Variants in CCDC178 observed in about 807,000 individuals in gnomAD.
CCDC178 encodes coiled-coil domain containing 178.
CCDC178 carries 126 observed loss-of-function variants against 117.4 expected under a neutral mutation model. That is an observed-to-expected ratio of 1.07 (90% CI 0.93 to 1.24). The LOEUF is 1.24. Among genes scored for constraint, CCDC178 ranks in the 50% most tolerant of loss-of-function variants. CCDC178 has a pLI of 0.00. For synonymous variants in CCDC178, 283 were observed against 313.4 expected (o/e 0.90, Z 1.02); for missense variants, 1,030 against 986.9 (o/e 1.04, Z -0.59).
chr18:33,270,061 T>A (rs530873562), intron 12 of CCDC178, among the ~76,000 whole-genome samples: 1 of 151,664 alleles, frequency 6.6e-6, no homozygotes, highest in African/African-American at 2.4e-5. Flanking sequence ...CAAATATAAA[T>A]TTGACAGTTG....
At chr18:33,153,153 T>A (rs2058359116) in intron 20 of CCDC178, among the ~76,000 whole-genome samples, 1 of 147,980 alleles carries the variant, frequency 6.8e-6, no homozygotes, top group Non-Finnish European at 1.5e-5. Flanking sequence ...TATATATATA[T>A]ATAACATATA....
intron 5 of CCDC178, among the ~76,000 whole-genome samples, chr18:33,382,296 G>A (rs1439326122): frequency 1.3e-5 from 2 of 152,136 alleles, no homozygotes; most frequent in Non-Finnish European, 2.9e-5. Context: ...TCCACATTGA[G>A]TGTTAGAAAC....
intron 20 of CCDC178, among the ~76,000 whole-genome samples, chr18:33,098,450 C>G (rs2057576235): frequency 6.6e-6 from 1 of 152,000 alleles, no homozygotes; most frequent in African/African-American, 2.4e-5. Flanking sequence ...CCTGATGTAA[C>G]TGTCTGTTGC....
chr18:33,398,382 TTA>T (rs1568201530), intron 3 of CCDC178, among the ~76,000 whole-genome samples: 1 of 152,144 alleles, frequency 6.6e-6, no homozygotes, highest in African/African-American at 2.4e-5. Context: ...TTTAAAAAAT[TTA>T]GATTCAAACT....
intron 11 of CCDC178, among the ~76,000 whole-genome samples, chr18:33,298,464 T>G (rs1222205379): frequency 6.6e-6 from 1 of 152,090 alleles, no homozygotes; most frequent in Non-Finnish European, 1.5e-5. Flanking sequence ...AAATTAGGTG[T>G]AGAAAAAAGT....
At chr18:33,141,151 G>T (rs1266021062) in intron 20 of CCDC178, among the ~76,000 whole-genome samples, 2 of 152,078 alleles carry the variant, frequency 1.3e-5, no homozygotes, top group East Asian at 1.9e-4. Context: ...TTCCTAGTCT[G>T]GGGTGTGTCT....
chr18:33,366,584 T>C (rs2063210324), intron 6 of CCDC178, among the ~76,000 whole-genome samples: 1 of 152,098 alleles, frequency 6.6e-6, no homozygotes, highest in African/African-American at 2.4e-5. Flanking sequence ...ATAATAGCTT[T>C]AGTGAGATAA....
intron 12 of CCDC178, among the ~76,000 whole-genome samples, chr18:33,290,814 T>C (rs555762048): frequency 6.6e-6 from 1 of 152,154 alleles, no homozygotes; most frequent in African/African-American, 2.4e-5. Flanking sequence ...AAAAGCCTAA[T>C]ATGGGACAGA....
intron 2 of CCDC178, among the ~76,000 whole-genome samples, chr18:33,426,493 C>T (rs910107020): frequency 2.6e-5 from 4 of 152,166 alleles, no homozygotes; most frequent in African/African-American, 7.2e-5. Flanking sequence ...ATCATACATT[C>T]CTGCCATCTC....
intron 21 of CCDC178, among the ~76,000 whole-genome samples, chr18:32,994,838 G>A (rs911978152): frequency 6.6e-6 from 1 of 152,276 alleles, no homozygotes; most frequent in African/African-American, 2.4e-5. Context: ...TGCCACAGGT[G>A]TGAAAGGGAT....
intron 20 of CCDC178, among the ~76,000 whole-genome samples, chr18:33,168,272 G>T (rs796106973): frequency 2.6e-5 from 4 of 152,182 alleles, no homozygotes; most frequent in African/African-American, 9.6e-5. Context: ...ATGATGTAAG[G>T]AAGGGGTCCA....
chr18:33,281,826 C>T (rs9956326), intron 12 of CCDC178, among the ~76,000 whole-genome samples: 138,588 of 152,028 alleles, frequency 0.91, 63,279 homozygotes, highest in East Asian at 1. Flanking sequence ...TTAAAATGAA[C>T]AGTTACGTTC....
chr18:33,336,341 T>C (rs925417830), intron 9 of CCDC178, among the ~76,000 whole-genome samples: 2 of 152,082 alleles, frequency 1.3e-5, no homozygotes, highest in Non-Finnish European at 1.5e-5. Context: ...TATATCAAAA[T>C]GGCAACTCAA....
Position 32,938,082 on chromosome 18 carries a change from A to T in CCDC178, c.2533T>A (p.Ser845Thr). 1 of 1,612,714 alleles carries T rather than the reference A, an allele frequency of 6.2e-7. No individual in the cohort carries two copies. Among genetic ancestry groups the T allele is most frequent in the Non-Finnish European group, 8.5e-7 (1 of 1,178,738 alleles). ...CCTAAGATGTGTTGCATTAAATTTG[A>T]AGATTCCTCCTGTTCAGAAGCAAGA... ...QKILAVQEES[S>T]NLMQHILGFF... Residue 845 changes from serine (S) to threonine (T), a missense_variant, in exon 23 of 23, where the codon TCA becomes ACA. Transcript: ENST00000383096.
intron 20 of CCDC178, among the ~76,000 whole-genome samples, chr18:33,167,193 A>G (rs1018025953): frequency 2.5e-4 from 38 of 152,128 alleles, no homozygotes; most frequent in African/African-American, 8.7e-4. Context: ...ATGGACATTT[A>G]GGTTGATTCC....
At chr18:32,991,365 A>C (rs910144935) in intron 21 of CCDC178, among the ~76,000 whole-genome samples, 21 of 152,252 alleles carry the variant, frequency 1.4e-4, no homozygotes, top group African/African-American at 5.1e-4. Context: ...ACTATGCCTA[A>C]TGACATTTAC....
intron 3 of CCDC178, among the ~76,000 whole-genome samples, chr18:33,404,376 TA>T (rs1034090370): frequency 2.0e-4 from 29 of 145,954 alleles, no homozygotes; most frequent in Admixed American, 4.1e-4. Context: ...GTCTACTAAT[TA>T]AAAAAAAAAA....
At position 33,179,161 on chromosome 18, in the gene CCDC178, C is replaced by CTATATATATAAACTA. The variant is rs200189915; in HGVS notation, c.2238+32734_2238+32735insTAGTTTATATATATA. ...TATATATAAACTATATATATATAAA[C>CTATATATATAAACTA]TATATATATAGTTTTAAGGAGCATA... On this transcript the variant is annotated intron_variant, in intron 20 of 22. Coordinates refer to ENST00000383096, the MANE Select transcript of CCDC178 (RefSeq NM_001105528.4). 7.1e-3 allele frequency among the ~76,000 whole-genome samples: 514 copies of CTATATATATAAACTA among 72,342 alleles called. 48 individuals carry two copies. The highest frequency in any genetic ancestry group is 0.025 in the African/African-American group (358 of 14,438). 47.5% of individuals were successfully genotyped at this position (72,342 alleles called of 152,430 possible).
At chr18:33,367,707 GTCC>G (rs2063232264) in intron 6 of CCDC178, among the ~76,000 whole-genome samples, 1 of 151,828 alleles carries the variant, frequency 6.6e-6, no homozygotes, top group African/African-American at 2.4e-5. Flanking sequence ...CTAATGGAGA[GTCC>G]TCATCATTGC....
Sources: gnomAD v4.1 joint callset for allele counts (sites outside exome capture counted in the v4.1 genomes callset) on GRCh38, gnomAD v4.1.1 for gene constraint, MANE v1.5 for transcripts, NCBI Gene and HGNC (gene_info 2026-07-23, HGNC 2026-07-21) for gene names.